The following TOM1L2 variants were observed in gnomAD, a reference collection of about 807,000 sequenced individuals.
TOM1L2 encodes TOM1-like protein 2.
TOM1L2 carries 31 observed loss-of-function variants against 67.9 expected under a neutral mutation model. The observed-to-expected ratio is 0.46, with a 90% CI of 0.34 to 0.62. The LOEUF is 0.62. Among genes scored for constraint, TOM1L2 ranks in the 20% least tolerant of loss-of-function variants. The pLI, the probability that TOM1L2 is intolerant of heterozygous loss-of-function variation, is 0.01. For synonymous variants in TOM1L2, 256 were observed against 254.0 expected (o/e 1.01, Z -0.07); for missense variants, 606 against 663.5 (o/e 0.91, Z 0.95).
rs971949427 is a variant in TOM1L2, at chr17:17,893,918, G to T, written c.217-108C>A. 3.4e-6 allele frequency: 4 copies of T among 1,190,346 alleles called. No individual in the cohort carries two copies. In the African/African-American group the frequency reaches 6.1e-5, roughly 18 times the overall value. The allele number at this position is 1,190,346 out of a possible 1,614,324, so 73.7% of individuals were successfully genotyped here. A position where few individuals can be genotyped will look rare whatever the true frequency, so the allele number is the denominator to read the frequency against. On this transcript the variant is annotated intron_variant, in intron 3 of 14. Transcript: ENST00000379504. ...CACCATCCCCTCTGTCTTGCTCCTA[G>T]ATCAGCTTTCTGACACGTCTCCTCC...
chr17:17,893,602 A>G, intron 4 of TOM1L2, 59 bp downstream of exon 4: 1 of 1,502,330 alleles, frequency 6.7e-7, no homozygotes, highest in Non-Finnish European at 9.1e-7. Context: ...ATGAGGACTC[A>G]TCAATAAGAG....
intron 1 of TOM1L2, among the ~76,000 whole-genome samples, chr17:17,936,927 C>A (rs1412610552): frequency 6.6e-6 from 1 of 152,164 alleles, no homozygotes; most frequent in African/African-American, 2.4e-5. Context: ...CTAAGTTCAA[C>A]CTCTTTGATT....
intron 4 of TOM1L2, among the ~76,000 whole-genome samples, chr17:17,892,021 G>A (rs996309090): frequency 5.3e-5 from 8 of 152,062 alleles, no homozygotes; most frequent in Non-Finnish European, 8.8e-5. Flanking sequence ...GGGTTCTTAG[G>A]GAACGAAGAA....
rs928827918 is a variant in TOM1L2, at chr17:17,846,082, C to A, written c.*1553G>T. 6.6e-6 allele frequency: 1 copy of A among 152,326 alleles called. No homozygotes were observed. Among genetic ancestry groups the A allele is most frequent in the Non-Finnish European group, 1.5e-5 (1 of 68,112 alleles). 9.4% of individuals were successfully genotyped at this position (152,326 alleles called of 1,614,324 possible). Reference sequence around the variant, plus strand: ...TAGTTCCTGTTGGTGCTCAGCATGACCCCCAGCTGAAGTCGCCATCCTGAA... The same window carrying A: ...TAGTTCCTGTTGGTGCTCAGCATGAACCCCAGCTGAAGTCGCCATCCTGAA... On this transcript the variant is annotated 3_prime_UTR_variant, in exon 15 of 15. Coordinates refer to ENST00000379504, the MANE Select transcript of TOM1L2 (RefSeq NM_001082968.2).
At chr17:17,863,997 C>T (rs1218500803) in intron 10 of TOM1L2, among the ~76,000 whole-genome samples, 1 of 151,358 alleles carries the variant, frequency 6.6e-6, no homozygotes, top group East Asian at 2.0e-4. Context: ...CTCCTGAGTA[C>T]CTGGGACTAC....
intron 12 of TOM1L2, among the ~76,000 whole-genome samples, chr17:17,855,490 C>A (rs904246084): frequency 1.3e-5 from 2 of 152,222 alleles, no homozygotes; most frequent in African/African-American, 4.8e-5. Context: ...AAAAAGACCT[C>A]ACACTAGAGA....
intron 1 of TOM1L2, among the ~76,000 whole-genome samples, chr17:17,940,844 A>G (rs1171084623): frequency 3.9e-5 from 6 of 152,232 alleles, no homozygotes; most frequent in Admixed American, 3.9e-4. Context: ...GGTCAGTCTC[A>G]TAAATTGTTT....
chr17:17,938,201 T>C (rs1160307081), intron 1 of TOM1L2, among the ~76,000 whole-genome samples: 2 of 152,224 alleles, frequency 1.3e-5, no homozygotes, highest in Non-Finnish European at 2.9e-5. Context: ...TTCATTTAAC[T>C]GGAGAAGAGA....
intron 10 of TOM1L2, among the ~76,000 whole-genome samples, chr17:17,865,946 T>C (rs1417095890): frequency 1.3e-5 from 2 of 151,676 alleles, no homozygotes; most frequent in African/African-American, 4.8e-5. Context: ...TTCGCCATGT[T>C]GGTCAGGCTG....
chr17:17,902,209 G>C (rs1295286289), intron 2 of TOM1L2, among the ~76,000 whole-genome samples: 1 of 152,120 alleles, frequency 6.6e-6, no homozygotes, highest in African/African-American at 2.4e-5. Context: ...ACAGTCCCAG[G>C]TAGGTTATTC....
At chr17:17,899,151 C>A (rs2038724029) in intron 2 of TOM1L2, among the ~76,000 whole-genome samples, 1 of 152,220 alleles carries the variant, frequency 6.6e-6, no homozygotes, top group Non-Finnish European at 1.5e-5. Flanking sequence ...TTCTGTATCA[C>A]ATGCAAGTAT....
intron 1 of TOM1L2, among the ~76,000 whole-genome samples, chr17:17,921,323 C>A (rs1473758373): frequency 6.6e-6 from 1 of 152,220 alleles, no homozygotes; most frequent in African/African-American, 2.4e-5. Context: ...GCCACACAGG[C>A]CCGAGGCTGC....
At chr17:17,917,121 C>T (rs2039659086) in intron 1 of TOM1L2, among the ~76,000 whole-genome samples, 1 of 152,126 alleles carries the variant, frequency 6.6e-6, no homozygotes, top group Admixed American at 6.5e-5. Context: ...GATCACGCCA[C>T]TGCACTCCAG....
intron 1 of TOM1L2, among the ~76,000 whole-genome samples, chr17:17,931,543 T>C (rs1349344467): frequency 6.6e-6 from 1 of 152,210 alleles, no homozygotes; most frequent in Non-Finnish European, 1.5e-5. Context: ...CAATAGAGAC[T>C]TGGGTATCTG....
intron 1 of TOM1L2, among the ~76,000 whole-genome samples, chr17:17,949,047 G>A (rs1256420631): frequency 6.6e-6 from 1 of 152,200 alleles, no homozygotes; most frequent in East Asian, 1.9e-4. Context: ...AGAGAATGGG[G>A]AGCTGGAGCC....
chr17:17,963,031 C>A (rs910512200), intron 1 of TOM1L2, among the ~76,000 whole-genome samples: 4 of 150,308 alleles, frequency 2.7e-5, no homozygotes, highest in African/African-American at 7.4e-5. Flanking sequence ...TAAATAGAAA[C>A]AGGTGCCCTC....
At chr17:17,944,990 A>C (rs370564768) in intron 1 of TOM1L2, among the ~76,000 whole-genome samples, 45 of 152,286 alleles carry the variant, frequency 3.0e-4, no homozygotes, top group African/African-American at 1.0e-3. Context: ...TGCTGCCCGC[A>C]CTGCCGCCGC....
chr17:17,892,314 T>C (rs1225030081), intron 4 of TOM1L2, among the ~76,000 whole-genome samples: 1 of 152,190 alleles, frequency 6.6e-6, no homozygotes, highest in Non-Finnish European at 1.5e-5. Context: ...TGCCTCTGCC[T>C]GGTTGCCTCC....
At chr17:17,911,808 G>A (rs1420587955) in intron 1 of TOM1L2, among the ~76,000 whole-genome samples, 3 of 147,224 alleles carry the variant, frequency 2.0e-5, no homozygotes, top group East Asian at 3.9e-4. Flanking sequence ...GCGGCCTTCC[G>A]CAGTGTTTGT....
Sources: allele counts gnomAD v4.1 joint callset (sites outside exome capture counted in the v4.1 genomes callset), GRCh38; gene constraint gnomAD v4.1.1; transcripts MANE v1.5; gene names NCBI Gene and HGNC (gene_info 2026-07-23, HGNC 2026-07-21).